CELF4: variants seen among roughly 807,000 people sequenced by gnomAD.
The protein encoded by CELF4 is CUGBP Elav-like family member 4.
Under a neutral mutation model 59.9 loss-of-function variants are expected in CELF4, and 18 were observed. The observed-to-expected ratio is 0.30, with a 90% CI of 0.21 to 0.45. The LOEUF is 0.45. Among genes scored for constraint, CELF4 ranks in the 20% least tolerant of loss-of-function variants. CELF4 has a pLI of 1.00. For synonymous variants in CELF4, 261 were observed against 267.1 expected (o/e 0.98, Z 0.22); for missense variants, 456 against 689.0 (o/e 0.66, Z 3.79).
At chr18:37,381,098 A>G (rs997892120) in intron 2 of CELF4, among the ~76,000 whole-genome samples, 15 of 139,372 alleles carry the variant, frequency 1.1e-4, no homozygotes, top group Non-Finnish European at 2.3e-4. Context: ...ATCTACCATC[A>G]GCCATCCACC....
At chr18:37,495,282 G>A (rs770256410) in intron 1 of CELF4, among the ~76,000 whole-genome samples, 7 of 152,230 alleles carry the variant, frequency 4.6e-5, no homozygotes, top group Non-Finnish European at 8.8e-5. Flanking sequence ...GCTAAATTAC[G>A]TGATATGGGC....
At chr18:37,340,977 T>C (rs1367362081) in intron 2 of CELF4, among the ~76,000 whole-genome samples, 2 of 152,212 alleles carry the variant, frequency 1.3e-5, no homozygotes, top group African/African-American at 4.8e-5. Flanking sequence ...CCCCAGCCAT[T>C]CATACAGGAA....
chr18:37,520,412 A>G (rs562511477), intron 1 of CELF4, among the ~76,000 whole-genome samples: 260 of 152,312 alleles, frequency 1.7e-3, no homozygotes, highest in Non-Finnish European at 3.2e-3. Flanking sequence ...AGGCCCAGAG[A>G]GGCACTGTTT....
intron 3 of CELF4, among the ~76,000 whole-genome samples, chr18:37,289,629 C>T (rs1371148324): frequency 6.6e-6 from 1 of 152,058 alleles, no homozygotes; most frequent in African/African-American, 2.4e-5. Context: ...ACAGTGGGCT[C>T]TGTGCCAGCT....
At chr18:37,255,681 G>T (rs2068843248) in intron 11 of CELF4, among the ~76,000 whole-genome samples, 1 of 152,060 alleles carries the variant, frequency 6.6e-6, no homozygotes, top group Non-Finnish European at 1.5e-5. Flanking sequence ...TTTCAAATAT[G>T]TGAATTGTGT....
chr18:37,329,713 G>A (rs563508502), intron 2 of CELF4, among the ~76,000 whole-genome samples: 1 of 152,374 alleles, frequency 6.6e-6, no homozygotes, highest in East Asian at 1.9e-4. Flanking sequence ...CTATGCATGA[G>A]CAGAGACTCC....
chr18:37,261,924 C>T (rs922248793), intron 10 of CELF4, among the ~76,000 whole-genome samples: 14 of 152,192 alleles, frequency 9.2e-5, no homozygotes, highest in South Asian at 6.2e-4. Flanking sequence ...CATAAAGAAG[C>T]CAACTCTTGG....
intron 2 of CELF4, among the ~76,000 whole-genome samples, chr18:37,403,687 TGTGTTCC>T (rs1280992541): frequency 2.6e-5 from 4 of 152,142 alleles, no homozygotes; most frequent in Non-Finnish European, 5.9e-5. Context: ...AGCGCAGGTG[TGTGTTCC>T]CCTTTGCAGA....
intron 2 of CELF4, among the ~76,000 whole-genome samples, chr18:37,477,291 G>T (rs1461116516): frequency 6.6e-6 from 1 of 152,236 alleles, no homozygotes; most frequent in Non-Finnish European, 1.5e-5. Flanking sequence ...AAAGCTCCCC[G>T]AGCGGGGCAG....
intron 1 of CELF4, among the ~76,000 whole-genome samples, chr18:37,494,078 G>A (rs1320670422): frequency 6.6e-6 from 1 of 152,190 alleles, no homozygotes; most frequent in African/African-American, 2.4e-5. Context: ...AGGGCAGCGT[G>A]TTCAGACCGA....
chr18:37,253,733 C>T lies in CELF4; in HGVS notation c.*44+34G>A. On this transcript the variant is annotated intron_variant, in intron 12 of 12. Coordinates refer to ENST00000420428, the MANE Select transcript of CELF4 (RefSeq NM_020180.4). This position sits in a 1 kb window ranked among gnomAD's most constrained non-coding sequence, Gnocchi z 4.5. ...GCGGGTCCGTCTGGTTCCCTCCCAA[C>T]CCCCGTCCCCGCGCCCCGGCCGCCC... The T allele has an allele frequency of 2.0e-6, 3 of 1,503,892 alleles. No homozygotes were observed. Among genetic ancestry groups the T allele is most frequent in the Non-Finnish European group, 2.7e-6 (3 of 1,116,688 alleles). 93.2% of individuals were successfully genotyped at this position (1,503,892 alleles called of 1,614,324 possible).
intron 1 of CELF4, among the ~76,000 whole-genome samples, chr18:37,507,938 C>A (rs905523962): frequency 6.6e-6 from 1 of 152,192 alleles, no homozygotes; most frequent in Non-Finnish European, 1.5e-5. Context: ...CTACATTCCT[C>A]CCCCTTCATC....
chr18:37,547,159 TG>T (rs777637215), intron 1 of CELF4, among the ~76,000 whole-genome samples: 2 of 40,408 alleles, frequency 4.9e-5, no homozygotes, highest in Non-Finnish European at 1.0e-4. Flanking sequence ...TGTGTGTGTG[TG>T]GTGTGTGTGT....
At chr18:37,259,015 CGG>C in intron 11 of CELF4, 164 bp downstream of exon 11, 1 of 980,478 alleles carries the variant, frequency 1.0e-6, no homozygotes, top group South Asian at 1.6e-5. Context: ...GCAGCTGGGG[CGG>C]GGGCAATGTG....
chr18:37,546,390 G>GCACACA lies in CELF4; in HGVS notation c.286+18960_286+18965dup, dbSNP rs138332587. On this transcript the variant is annotated intron_variant, in intron 1 of 12. Coordinates refer to ENST00000420428, the MANE Select transcript of CELF4 (RefSeq NM_020180.4). ...TACTTGCACCCACGCACATGTATGC[G>GCACACA]CACACACACACACACACAGTTCTCA... 8.2e-3 allele frequency among the ~76,000 whole-genome samples: 1,237 copies of GCACACA among 150,600 alleles called. 21 individuals carry two copies. Among genetic ancestry groups the GCACACA allele is most frequent in the African/African-American group, 0.029 (1,175 of 41,068 alleles).
chr18:37,351,806 AT>A (rs2098448147), intron 2 of CELF4, among the ~76,000 whole-genome samples: 1 of 151,666 alleles, frequency 6.6e-6, no homozygotes, highest in African/African-American at 2.4e-5. Context: ...TAGAGACAGG[AT>A]TTTGCCATCT....
intron 2 of CELF4, among the ~76,000 whole-genome samples, chr18:37,410,768 G>A (rs1290612807): frequency 6.6e-6 from 1 of 152,230 alleles, no homozygotes; most frequent in African/African-American, 2.4e-5. Context: ...GATGCAAGGA[G>A]GGCACACAAG....
chr18:37,525,807 A>T (rs867110267), intron 1 of CELF4, among the ~76,000 whole-genome samples: 56 of 152,304 alleles, frequency 3.7e-4, no homozygotes, highest in African/African-American at 1.3e-3. Flanking sequence ...AATCGAAAAT[A>T]ATTATTAAAA....
intron 4 of CELF4, 55 bp from the exon 5 acceptor site, chr18:37,274,939 C>T: frequency 6.3e-7 from 1 of 1,583,606 alleles, no homozygotes; most frequent in Non-Finnish European, 8.6e-7. Context: ...AGGGAGGGGC[C>T]GGGAGGAGAG....
Sources: allele counts gnomAD v4.1 joint callset (sites outside exome capture counted in the v4.1 genomes callset), GRCh38; gene constraint gnomAD v4.1.1; non-coding constraint Gnocchi (gnomAD v3.1); transcripts MANE v1.5; gene names NCBI Gene and HGNC (gene_info 2026-07-23, HGNC 2026-07-21).